The following DNAH14 variants were observed in gnomAD, a reference collection of about 807,000 sequenced individuals.
DNAH14 encodes the protein dynein axonemal heavy chain 14.
In DNAH14, 478 loss-of-function variants were observed where a neutral mutation model predicts 520.9. The ratio of observed to expected loss-of-function variants is 0.92; its 90% CI spans 0.85 to 0.99. DNAH14 has a LOEUF of 0.99. Among genes scored for constraint, DNAH14 ranks in the 50% least tolerant of loss-of-function variants. The pLI is 0.00. For missense variants in DNAH14, 4,831 were observed against 5,234.5 expected, an observed-to-expected ratio of 0.92 and a Z score of 2.38; for synonymous variants, 1,581 against 1,757.2, an observed-to-expected ratio of 0.90 and a Z score of 2.51.
chr1:225,108,375 C>T (rs2148801569), intron 23 of DNAH14, among the ~76,000 whole-genome samples: 1 of 152,240 alleles, frequency 6.6e-6, no homozygotes, highest in South Asian at 2.1e-4. Context: ...GGGACTTCAC[C>T]TTGTGACCGT....
At chr1:225,070,572 A>G (rs1035921956) in intron 17 of DNAH14, among the ~76,000 whole-genome samples, 8 of 152,128 alleles carry the variant, frequency 5.3e-5, no homozygotes, top group African/African-American at 1.9e-4. Flanking sequence ...TGTGAAAGAC[A>G]GTTTGTTATG....
intron 23 of DNAH14, among the ~76,000 whole-genome samples, chr1:225,102,449 C>A (rs988512989): frequency 2.6e-5 from 4 of 152,114 alleles, no homozygotes; most frequent in Non-Finnish European, 5.9e-5. Flanking sequence ...AGTTCTAGAT[C>A]CCTGAGGAAT....
chr1:225,112,312 T>G (rs2076547625), intron 23 of DNAH14, among the ~76,000 whole-genome samples: 1 of 152,194 alleles, frequency 6.6e-6, no homozygotes, highest in Non-Finnish European at 1.5e-5. Context: ...CCTATAAGGT[T>G]TCCACTGAAA....
chr1:225,005,027 A>G (rs957930917), intron 9 of DNAH14, among the ~76,000 whole-genome samples: 1 of 152,174 alleles, frequency 6.6e-6, no homozygotes, highest in Non-Finnish European at 1.5e-5. Flanking sequence ...TTTTTGTATT[A>G]CCAGAGATTA....
chr1:225,372,685 G>A (rs2095632773), intron 77 of DNAH14, among the ~76,000 whole-genome samples: 1 of 152,080 alleles, frequency 6.6e-6, no homozygotes, highest in Admixed American at 6.6e-5. Flanking sequence ...TGAAAACCCA[G>A]AACCATAAAA....
intron 41 of DNAH14, among the ~76,000 whole-genome samples, chr1:225,220,184 A>G (rs2089903994): frequency 6.6e-6 from 1 of 152,206 alleles, no homozygotes; most frequent in Non-Finnish European, 1.5e-5. Flanking sequence ...ATTTATGACA[A>G]ACCCACAGCC....
chr1:225,215,060 C>A (rs1157809906), intron 41 of DNAH14, among the ~76,000 whole-genome samples: 1 of 152,122 alleles, frequency 6.6e-6, no homozygotes, highest in Non-Finnish European at 1.5e-5. Flanking sequence ...TATAAATTTC[C>A]CTCTACACAC....
intron 16 of DNAH14, among the ~76,000 whole-genome samples, chr1:225,051,165 G>A (rs967618585): frequency 1.6e-4 from 25 of 152,296 alleles, no homozygotes; most frequent in Middle Eastern, 3.4e-3. Context: ...AGGGTAATAA[G>A]CAAGGGGATA....
intron 8 of DNAH14, among the ~76,000 whole-genome samples, chr1:224,987,385 T>C (rs1010980113): frequency 4.6e-5 from 7 of 152,154 alleles, no homozygotes; most frequent in Non-Finnish European, 1.0e-4. Context: ...CAGGCCACAA[T>C]GGATTGGATG....
At chr1:225,015,595 T>C (rs962271562) in intron 10 of DNAH14, among the ~76,000 whole-genome samples, 6 of 152,148 alleles carry the variant, frequency 3.9e-5, no homozygotes, top group Non-Finnish European at 5.9e-5. Flanking sequence ...TTGGGAAATG[T>C]GTGAGAGAAA....
intron 34 of DNAH14, among the ~76,000 whole-genome samples, chr1:225,155,532 A>T (rs944325003): frequency 6.6e-6 from 1 of 152,210 alleles, no homozygotes; most frequent in African/African-American, 2.4e-5. Flanking sequence ...CATATATGAA[A>T]CCCAAGTATA....
intron 23 of DNAH14, among the ~76,000 whole-genome samples, chr1:225,104,121 G>C (rs1388600746): frequency 2.0e-5 from 3 of 152,128 alleles, no homozygotes; most frequent in Non-Finnish European, 2.9e-5. Flanking sequence ...TTTGTCAAAG[G>C]CCTTTTCTGC....
intron 16 of DNAH14, 31 bp downstream of exon 16, chr1:225,050,407 T>C (rs1239555179): frequency 2.0e-6 from 3 of 1,514,006 alleles, no homozygotes; most frequent in African/African-American, 1.4e-5. Context: ...TTTTAGGAAA[T>C]GTTTAAGGAG....
intron 23 of DNAH14, among the ~76,000 whole-genome samples, chr1:225,102,699 T>G (rs1363310977): frequency 6.6e-6 from 1 of 152,216 alleles, no homozygotes; most frequent in Non-Finnish European, 1.5e-5. Flanking sequence ...TTTTGAGAAG[T>G]GTCTGTTCAT....
In DNAH14 at chr1:225,324,431, A is replaced by T. The variant is rs2094614088; in HGVS notation, c.9627+78A>T. On this transcript the variant is annotated intron_variant, in intron 63 of 85. Coordinates refer to ENST00000682510, the MANE Select transcript of DNAH14 (RefSeq NM_001367479.1). ...TCCCAGAAATAATTTTTATTTACCA[A>T]TACTCAAATGAACTTGAGTGGAAAG... 2.7e-6 allele frequency: 4 copies of T among 1,504,010 alleles called. 1 individual carries two copies. In the East Asian group the frequency reaches 9.9e-5, roughly 37 times the overall value. The allele number at this position is 1,504,010 out of a possible 1,614,324, so 93.2% of individuals were successfully genotyped here. A position where few individuals can be genotyped will look rare whatever the true frequency, so the allele number is the denominator to read the frequency against.
chr1:225,261,502 A>G (rs997638613), intron 46 of DNAH14, among the ~76,000 whole-genome samples: 1 of 152,178 alleles, frequency 6.6e-6, no homozygotes, highest in Non-Finnish European at 1.5e-5. Flanking sequence ...CCACTTGATC[A>G]TGGTGAATAA....
chr1:225,281,414 G>A (rs990501707), intron 54 of DNAH14, among the ~76,000 whole-genome samples: 1 of 152,040 alleles, frequency 6.6e-6, no homozygotes, highest in Non-Finnish European at 1.5e-5. Flanking sequence ...TTTAGACTGG[G>A]CCCAGCCAGA....
At chr1:225,217,293 G>C (rs139944958) in intron 41 of DNAH14, among the ~76,000 whole-genome samples, 1 of 152,104 alleles carries the variant, frequency 6.6e-6, no homozygotes, top group Non-Finnish European at 1.5e-5. Context: ...ACTGCCCTGC[G>C]AGGTGTCAGT....
intron 17 of DNAH14, among the ~76,000 whole-genome samples, chr1:225,070,438 G>C (rs1167878157): frequency 3.3e-5 from 5 of 152,080 alleles, no homozygotes; most frequent in South Asian, 2.1e-4. Context: ...AAAACTTCTT[G>C]ATTTCTGCCT....
Sources: gnomAD v4.1 joint callset for allele counts (sites outside exome capture counted in the v4.1 genomes callset) on GRCh38, gnomAD v4.1.1 for gene constraint, MANE v1.5 for transcripts, NCBI Gene and HGNC (gene_info 2026-07-23, HGNC 2026-07-21) for gene names.